Variants in JPH4 observed in about 807,000 individuals in gnomAD.
JPH4 encodes junctophilin-4.
A neutral mutation model predicts 57.6 loss-of-function variants in JPH4; 18 were observed. That is an observed-to-expected ratio of 0.31 (90% CI 0.22 to 0.46). The LOEUF is 0.46. Ranked by LOEUF, JPH4 falls within the 20% of genes least tolerant of loss-of-function variation. The probability of loss-of-function intolerance (pLI) is 1.00; values close to 1 mark genes in which losing one functional copy is unlikely to be tolerated. For synonymous variants in JPH4, 425 were observed against 406.6 expected (o/e 1.05, Z -0.54); for missense variants, 727 against 911.1 (o/e 0.80, Z 2.60).
Position 23,569,779 on chromosome 14 carries a change from G to A in JPH4, c.1804-62C>T, listed in dbSNP as rs949933230. The A allele has an allele frequency of 9.0e-7, 1 of 1,114,126 alleles. No homozygotes were observed. Among genetic ancestry groups the A allele is most frequent in the African/African-American group, 1.6e-5 (1 of 63,660 alleles). 69.0% of individuals were successfully genotyped at this position (1,114,126 alleles called of 1,614,324 possible). A position where few individuals can be genotyped will look rare whatever the true frequency, so the allele number is the denominator to read the frequency against. ...AGGACAGGGCCCACCTTCCTGCCCT[G>A]ACTGAGGTGGCAGAGCTGAAGGGTC... On this transcript the variant is annotated intron_variant, in intron 5 of 5. Transcript: ENST00000356300. This position sits in a 1 kb window ranked among gnomAD's most constrained non-coding sequence, Gnocchi z 4.8.
Position 23,575,719 on chromosome 14 carries a change from C to T in JPH4, c.1117G>A (p.Ala373Thr), listed in dbSNP as rs1458611938. The change falls in exon 3 of 6, where the codon GCT becomes ACT. Residue 373 changes from alanine (A) to threonine (T), a missense_variant. Ala to Thr is a moderately conservative substitution (Grantham distance 58). Transcript: ENST00000356300. The surrounding 1 kb of genome is among the most constrained non-coding windows in gnomAD (Gnocchi z 6.9). ...AVEGARRAVS[A>T]ARQRQEIAAA... is the part of the protein sequence containing the mutation. ...GCGATCTCCTGGCGCTGACGGGCAG[C>T]ACTCACGGCTCGACGGGCGCCCTCG... The T allele has an allele frequency of 5.0e-6, 8 of 1,606,550 alleles. No homozygotes were observed. Among genetic ancestry groups the T allele is most frequent in the Non-Finnish European group, 6.8e-6 (8 of 1,177,518 alleles).
intron 3 of JPH4, among the ~76,000 whole-genome samples, chr14:23,573,737 G>C (rs1889205257): frequency 6.6e-6 from 1 of 152,196 alleles, no homozygotes; most frequent in East Asian, 1.9e-4. Context: ...TGATCCTCTA[G>C]TTACTGAGAT....
Position 23,575,726 on chromosome 14 carries a change from G to A in JPH4, c.1110C>T (p.Ala370=). The change falls in exon 3 of 6, where the codon GCC becomes GCT. Residue 370 remains alanine, a synonymous_variant. Transcript: ENST00000356300. This position sits in a 1 kb window ranked among gnomAD's most constrained non-coding sequence, Gnocchi z 6.9. ...VDRAVEGARR[A]VSAARQRQEI... ...CCTGGCGCTGACGGGCAGCACTCACGGCTCGACGGGCGCCCTCGACAGCCC... is the reference window on the plus strand; with the variant it reads ...CCTGGCGCTGACGGGCAGCACTCACAGCTCGACGGGCGCCCTCGACAGCCC... The A allele has an allele frequency of 3.8e-6, 6 of 1,596,232 alleles. No homozygotes were observed. Among genetic ancestry groups the A allele is most frequent in the Non-Finnish European group, 5.1e-6 (6 of 1,173,888 alleles).
Position 23,571,397 on chromosome 14 carries a change from C to T in JPH4, c.1334G>A (p.Gly445Glu), listed in dbSNP as rs1208334149. The change falls in exon 5 of 6, where the codon GGG becomes GAG. Residue 445 changes from glycine (G) to glutamate (E), a missense_variant. Physicochemically the swap from Gly to Glu is moderately conservative, Grantham distance 98. Transcript: ENST00000356300. This position sits in a 1 kb window ranked among gnomAD's most constrained non-coding sequence, Gnocchi z 4.6. ...GGGGGTCAGTCCGTTCTCATATACCCCAGGGCTGTCCTCATCCAGGGGCTC... is the reference window on the plus strand; with the variant it reads ...GGGGGTCAGTCCGTTCTCATATACCTCAGGGCTGTCCTCATCCAGGGGCTC... ...DTEPLDEDSP[G>E]VYENGLTPSE... 1 of 1,599,922 alleles carries T rather than the reference C, an allele frequency of 6.3e-7. No individual in the cohort carries two copies. The highest frequency in any genetic ancestry group is 1.7e-5 in the Admixed American group (1 of 59,932).
intron 3 of JPH4, chr14:23,573,082 C>T (rs761124261): frequency 1.4e-5 from 9 of 643,534 alleles, no homozygotes; most frequent in Admixed American, 6.9e-5. Flanking sequence ...CCCATGACTT[C>T]CTCTGGCCAC....
chr14:23,568,291 G>T lies in JPH4; in HGVS notation c.*1343C>A. On this transcript the variant is annotated 3_prime_UTR_variant, in exon 6 of 6. Transcript: ENST00000356300. ...GGCAAGGCCATTCCTTGAGGGAGGGGGTTGGCAGGCAGCTTGCCTCTGCCT... is the reference window on the plus strand; with the variant it reads ...GGCAAGGCCATTCCTTGAGGGAGGGTGTTGGCAGGCAGCTTGCCTCTGCCT... 1.0e-6 allele frequency: 1 copy of T among 985,912 alleles called. No homozygotes were observed. The highest frequency in any genetic ancestry group is 1.2e-6 in the Non-Finnish European group (1 of 829,966). 61.1% of individuals were successfully genotyped at this position (985,912 alleles called of 1,614,324 possible).
chr14:23,568,480 G>T lies in JPH4; in HGVS notation c.*1154C>A. ...CGGGTTTGACTCCCACCTCTGCCCT[G>T]CCTGGGAAGCATGTGAGATCAGCTA... On this transcript the variant is annotated 3_prime_UTR_variant, in exon 6 of 6. Transcript: ENST00000356300. The T allele has an allele frequency of 1.0e-6, 1 of 985,766 alleles. No homozygotes were observed. Among genetic ancestry groups the T allele is most frequent in the East Asian group, 1.1e-4 (1 of 8,820 alleles). The allele number at this position is 985,766 out of a possible 1,614,324, so 61.1% of individuals were successfully genotyped here.
chr14:23,571,227 C>T lies in JPH4; in HGVS notation c.1504G>A (p.Ala502Thr), dbSNP rs144738828. The change falls in exon 5 of 6, where the codon GCA becomes ACA. Residue 502 changes from alanine (A) to threonine (T), a missense_variant. Transcript: ENST00000356300. This position sits in a 1 kb window ranked among gnomAD's most constrained non-coding sequence, Gnocchi z 4.6. The part of the protein sequence containing the change: ...PKAWPEEWGG[A>T]GAQAEELAGY... The stretch of plus-strand genomic sequence containing the variant: ...GCTAGTTCCTCTGCCTGTGCGCCTG[C>T]CCCCCCCCACTCCTCAGGCCAAGCT... 4.6e-4 allele frequency: 730 copies of T among 1,586,062 alleles called. 4 individuals carry two copies. The highest frequency in any genetic ancestry group is 3.8e-4 in the Admixed American group (22 of 58,142).
rs1461240894 is a variant in JPH4 at position 23,571,723 on chromosome 14, CTCA to C, written c.1270+76_1270+78del. ...CATCCCCACTTCCCTTGCAGGGCTT[CTCA>C]TCTGTTTCCCCACACCTGAGCCTCT... On this transcript the variant is annotated intron_variant, in intron 4 of 5. Transcript: ENST00000356300. The surrounding 1 kb of genome is among the most constrained non-coding windows in gnomAD (Gnocchi z 4.6). 7.4e-7 allele frequency: 1 copy of C among 1,342,394 alleles called. No homozygotes were observed. Among genetic ancestry groups the C allele is most frequent in the East Asian group, 2.3e-5 (1 of 43,464 alleles). 83.2% of individuals were successfully genotyped at this position (1,342,394 alleles called of 1,614,324 possible). A position where few individuals can be genotyped will look rare whatever the true frequency, so the allele number is the denominator to read the frequency against.
At chr14:23,573,773 C>T (rs1376398886) in intron 3 of JPH4, among the ~76,000 whole-genome samples, 1 of 152,132 alleles carries the variant, frequency 6.6e-6, no homozygotes, top group South Asian at 2.1e-4. Flanking sequence ...ATGTCTCCAC[C>T]CTATCTAGCC....
rs1382686568 is a variant in JPH4, at chr14:23,576,320, C to A, written c.516G>T (p.Thr172=). Reference sequence around the variant, plus strand: ...CCGGCAAGGGCAGGGGCGGGGGTGGCGTCGGGGGGTCGCTGTGGCCGGAAT... The same window carrying A: ...CCGGCAAGGGCAGGGGCGGGGGTGGAGTCGGGGGGTCGCTGTGGCCGGAAT... ...SLDSGHSDPP[T]PPPPLPLPGD... is the part of the protein sequence containing the mutation. The change falls in exon 3 of 6, where the codon ACG becomes ACT. Residue 172 remains threonine, a synonymous_variant. Coordinates refer to ENST00000356300, the MANE Select transcript of JPH4 (RefSeq NM_001146028.2). This position sits in a 1 kb window ranked among gnomAD's most constrained non-coding sequence, Gnocchi z 8.0. 28 of 1,288,748 alleles carry A rather than the reference C, an allele frequency of 2.2e-5. No individual in the cohort carries two copies. Among genetic ancestry groups the A allele is most frequent in the Non-Finnish European group, 2.5e-5 (26 of 1,020,578 alleles). 79.8% of individuals were successfully genotyped at this position (1,288,748 alleles called of 1,614,324 possible).
intron 5 of JPH4, among the ~76,000 whole-genome samples, chr14:23,570,612 G>T (rs961086724): frequency 6.6e-6 from 1 of 152,062 alleles, no homozygotes; most frequent in East Asian, 1.9e-4. Context: ...CTGACCTCGT[G>T]ATCCGCCCAC....
intron 3 of JPH4, among the ~76,000 whole-genome samples, chr14:23,573,969 C>T (rs1458946094): frequency 2.0e-5 from 3 of 151,470 alleles, no homozygotes; most frequent in Admixed American, 6.6e-5. Context: ...CACACACACA[C>T]GCACTCTCAC....
In JPH4 at chr14:23,568,615, C is replaced by T; in HGVS notation, c.*1019G>A. The T allele has an allele frequency of 1.0e-6, 1 of 985,908 alleles. No individual in the cohort carries two copies. The highest frequency in any genetic ancestry group is 1.2e-6 in the Non-Finnish European group (1 of 829,960). The allele number at this position is 985,908 out of a possible 1,614,324, so 61.1% of individuals were successfully genotyped here. ...CTAAACTTGTCACAGCTTCTGCTTC[C>T]ATGTGAGCTCCTGTTATCTTGTCTG... On this transcript the variant is annotated 3_prime_UTR_variant, in exon 6 of 6. Coordinates refer to ENST00000356300, the MANE Select transcript of JPH4 (RefSeq NM_001146028.2).
At chr14:23,570,826 C>T (rs1566677630) in intron 5 of JPH4, 102 bp downstream of exon 5, 6 of 1,211,248 alleles carry the variant, frequency 5.0e-6, no homozygotes, top group South Asian at 2.2e-5. Context: ...CAGAGGAAGC[C>T]GAGTGAGATA....
rs140086342 is a variant in JPH4 at position 23,571,138 on chromosome 14, G to A, written c.1593C>T (p.Leu531=). Residue 531 remains leucine (L), a synonymous_variant, in exon 5 of 6, where the codon CTC becomes CTT. Coordinates refer to ENST00000356300, the MANE Select transcript of JPH4 (RefSeq NM_001146028.2). This position sits in a 1 kb window ranked among gnomAD's most constrained non-coding sequence, Gnocchi z 4.6. The part of the protein sequence containing the change: ...QGPGPRDGSP[L]LGGCSDSSGS... ...CTGAACTGTCGCTGCAGCCTCCGAG[G>A]AGTGGGGAACCGTCTCTGGGCCCTG... is the stretch of plus-strand genomic sequence containing the variant. The A allele has an allele frequency of 6.2e-7, 1 of 1,614,006 alleles. No homozygotes were observed. Among genetic ancestry groups the A allele is most frequent in the Non-Finnish European group, 8.5e-7 (1 of 1,180,024 alleles).
At position 23,575,505 on chromosome 14, in the gene JPH4, C is replaced by A. The variant is rs74973233; in HGVS notation, c.1151+180G>T. ...AGCTATCCAGAGTTACACCCACATCCACCTGTAGCCTCGGATATAAACACC... is the reference window on the plus strand; with the variant it reads ...AGCTATCCAGAGTTACACCCACATCAACCTGTAGCCTCGGATATAAACACC... On this transcript the variant is annotated intron_variant, in intron 3 of 5. Coordinates refer to ENST00000356300, the MANE Select transcript of JPH4 (RefSeq NM_001146028.2). The surrounding 1 kb of genome is among the most constrained non-coding windows in gnomAD (Gnocchi z 6.9). 12,131 of 709,540 alleles carry A rather than the reference C, an allele frequency of 0.017. 1,000 individuals are homozygous for A. The African/African-American group carries it at 0.19, about 11-fold the overall frequency. 44.0% of individuals were successfully genotyped at this position (709,540 alleles called of 1,614,324 possible). A position where few individuals can be genotyped will look rare whatever the true frequency, so the allele number is the denominator to read the frequency against.
Position 23,577,069 on chromosome 14 carries a change from C to T in JPH4, c.379+6G>A, listed in dbSNP as rs775488647. On this transcript the variant is annotated splice_donor_region_variant and intron_variant, in intron 2 of 5. Coordinates refer to ENST00000356300, the MANE Select transcript of JPH4 (RefSeq NM_001146028.2). The surrounding 1 kb of genome is among the most constrained non-coding windows in gnomAD (Gnocchi z 8.4). ...CAGACAGACACTGGTGGGCCGGGCCCCGCACCTCCGTCGGAGTAGGTCTCA... is the reference window on the plus strand; with the variant it reads ...CAGACAGACACTGGTGGGCCGGGCCTCGCACCTCCGTCGGAGTAGGTCTCA... 10 of 1,520,600 alleles carry T rather than the reference C, an allele frequency of 6.6e-6. No individual in the cohort carries two copies. In the South Asian group the frequency reaches 1.1e-4, roughly 17 times the overall value. The allele number at this position is 1,520,600 out of a possible 1,614,324, so 94.2% of individuals were successfully genotyped here.
chr14:23,577,581 G>C lies in JPH4; in HGVS notation c.-128C>G, dbSNP rs1328054753. Reference sequence around the variant, plus strand: ...CAGTTAGACCGGGGCCGGGCGGGGGGGCCCCAGCGAGGGCAGGCAGGGCCG... The same window carrying C: ...CAGTTAGACCGGGGCCGGGCGGGGGCGCCCCAGCGAGGGCAGGCAGGGCCG... On this transcript the variant is annotated 5_prime_UTR_variant, in exon 2 of 6. Transcript: ENST00000356300. The surrounding 1 kb of genome is among the most constrained non-coding windows in gnomAD (Gnocchi z 8.4). The C allele has an allele frequency of 1.3e-6, 1 of 771,982 alleles. No individual in the cohort carries two copies. Among genetic ancestry groups the C allele is most frequent in the African/African-American group, 1.8e-5 (1 of 54,320 alleles). The allele number at this position is 771,982 out of a possible 1,614,324, so 47.8% of individuals were successfully genotyped here.
Sources: allele counts gnomAD v4.1 joint callset (sites outside exome capture counted in the v4.1 genomes callset), GRCh38; gene constraint gnomAD v4.1.1; non-coding constraint Gnocchi (gnomAD v3.1); transcripts MANE v1.5; gene names NCBI Gene and HGNC (gene_info 2026-07-23, HGNC 2026-07-21).